Variants in MYO7B observed in about 807,000 individuals in gnomAD.
The protein encoded by MYO7B is unconventional myosin-VIIb.
A neutral mutation model predicts 259.7 loss-of-function variants in MYO7B; 212 were observed. That is an observed-to-expected ratio of 0.82 (90% CI 0.73 to 0.91). The LOEUF (loss-of-function observed/expected upper bound fraction) is 0.91. Among genes scored for constraint, MYO7B ranks in the 40% least tolerant of loss-of-function variants. MYO7B has a pLI of 0.00. For missense variants in MYO7B, 2,732 were observed against 2,813.5 expected, an observed-to-expected ratio of 0.97 and a Z score of 0.66; for synonymous variants, 1,197 against 1,166.4, an observed-to-expected ratio of 1.03 and a Z score of -0.54.
intron 6 of MYO7B, 63 bp downstream of exon 6, chr2:127,569,973 G>C: frequency 6.5e-7 from 1 of 1,539,938 alleles, no homozygotes; most frequent in South Asian, 1.2e-5. Flanking sequence ...CTGCCAGGTA[G>C]GACCATGGGG....
rs1401991906 is a variant in MYO7B, at chr2:127,617,483, CG to C, written c.3399-2853del. ...CCTTATGCTGCCAGCAGACTTGTAA[CG>C]GGGTTTTTTTTTTTTTTTTTTTTTT... is the stretch of plus-strand genomic sequence containing the variant. On this transcript the variant is annotated intron_variant, in intron 26 of 47. Transcript: ENST00000409816. Among the ~76,000 whole-genome samples, 12 of 121,428 alleles carry C rather than the reference CG, an allele frequency of 9.9e-5. No homozygotes were observed. In the South Asian group the frequency reaches 3.2e-3, roughly 33 times the overall value. The allele number at this position is 121,428 out of a possible 152,430, so 79.7% of individuals were successfully genotyped here.
At position 127,584,694 on chromosome 2, in the gene MYO7B, G is replaced by T; in HGVS notation, c.1555-84G>T. 6.6e-7 allele frequency: 1 copy of T among 1,506,836 alleles called. No homozygotes were observed. The highest frequency in any genetic ancestry group is 1.2e-5 in the South Asian group (1 of 81,668). 93.3% of individuals were successfully genotyped at this position (1,506,836 alleles called of 1,614,324 possible). A position where few individuals can be genotyped will look rare whatever the true frequency, so the allele number is the denominator to read the frequency against. On this transcript the variant is annotated intron_variant, in intron 13 of 47. Transcript: ENST00000409816. The surrounding 1 kb of genome is among the most constrained non-coding windows in gnomAD (Gnocchi z 5.8). ...AATCATTCTGAGCCCAGATCTCTTT[G>T]CCTCCATGAGGAAGTCCCTGAGCCT...
intron 3 of MYO7B, among the ~76,000 whole-genome samples, chr2:127,564,647 G>C (rs1490709649): frequency 6.6e-6 from 1 of 152,140 alleles, no homozygotes; most frequent in Non-Finnish European, 1.5e-5. Flanking sequence ...GTCCACCAGA[G>C]GGGTCAGGGC....
intron 38 of MYO7B, 118 bp downstream of exon 38, chr2:127,631,871 G>A (rs1573725429): frequency 7.5e-7 from 1 of 1,334,420 alleles, no homozygotes; most frequent in Non-Finnish European, 1.0e-6. Context: ...CCCTGCCTGG[G>A]CTCCTGCCTC....
At chr2:127,625,655 A>C in intron 31 of MYO7B, 120 bp downstream of exon 31, 1 of 1,152,692 alleles carries the variant, frequency 8.7e-7, no homozygotes, top group Non-Finnish European at 1.2e-6. Context: ...GGGGAACAAC[A>C]AGCCTCAGCT....
chr2:127,635,357 G>A, intron 43 of MYO7B, 131 bp downstream of exon 43: 1 of 866,210 alleles, frequency 1.2e-6, no homozygotes, highest in Non-Finnish European at 1.8e-6. Flanking sequence ...GTGGTAGGCA[G>A]ACCAAGCCCC....
intron 26 of MYO7B, among the ~76,000 whole-genome samples, chr2:127,616,026 G>A (rs1415527042): frequency 6.6e-6 from 1 of 152,216 alleles, no homozygotes; most frequent in African/African-American, 2.4e-5. Context: ...TCCTGAAACA[G>A]AAGCAAAGGC....
rs1693254462 is a variant in MYO7B at position 127,546,948 on chromosome 2, T to C, written c.-24+11117T>C. On this transcript the variant is annotated intron_variant, in intron 1 of 47. Transcript: ENST00000409816. This position sits in a 1 kb window ranked among gnomAD's most constrained non-coding sequence, Gnocchi z 4.2. Reference sequence around the variant, plus strand: ...CCCACTCATTCAACCACTAATCGACTCATCCATCCATCCATCCACCAATCT... The same window carrying C: ...CCCACTCATTCAACCACTAATCGACCCATCCATCCATCCATCCACCAATCT... Among the ~76,000 whole-genome samples the C allele has an allele frequency of 6.6e-6, 1 of 150,632 alleles. No homozygotes were observed. The highest frequency in any genetic ancestry group is 2.1e-4 in the South Asian group (1 of 4,730).
chr2:127,547,630 G>T (rs957154545), intron 1 of MYO7B, among the ~76,000 whole-genome samples: 2 of 152,106 alleles, frequency 1.3e-5, no homozygotes, highest in Non-Finnish European at 2.9e-5. Flanking sequence ...GTCAACTTTT[G>T]CATCTTCTAA....
At chr2:127,553,800 G>A (rs541695551) in intron 1 of MYO7B, among the ~76,000 whole-genome samples, 23 of 152,082 alleles carry the variant, frequency 1.5e-4, no homozygotes, top group Non-Finnish European at 2.9e-4. Context: ...CTATGTTGAA[G>A]AGGAGTGGTG....
Position 127,582,332 on chromosome 2 carries a change from T to C in MYO7B, c.1229T>C (p.Ile410Thr). The C allele has an allele frequency of 1.9e-6, 3 of 1,613,212 alleles. No homozygotes were observed. The highest frequency in any genetic ancestry group is 2.5e-6 in the Non-Finnish European group (3 of 1,179,646). Residue 410 changes from isoleucine (I) to threonine (T), a missense_variant, in exon 12 of 48, where the codon ATT becomes ACT. Around this residue, in one of 3 missense-constraint regions of MYO7B, gnomAD observed 1,906 missense variants for 2,026.4 expected, o/e 0.94. Transcript: ENST00000409816. ...KGIYGHLFLW[I>T]VKKINAAIFT... Reference sequence around the variant, plus strand: ...ATCTATGGGCACCTCTTCCTGTGGATTGTCAAGAAGATCAATGCCGCCATC... The same window carrying C: ...ATCTATGGGCACCTCTTCCTGTGGACTGTCAAGAAGATCAATGCCGCCATC...
chr2:127,594,520 T>C (rs1187301521), intron 18 of MYO7B, among the ~76,000 whole-genome samples: 1 of 152,166 alleles, frequency 6.6e-6, no homozygotes, highest in African/African-American at 2.4e-5. Context: ...TCTCAGAGGC[T>C]AAGATGCGCG....
intron 1 of MYO7B, among the ~76,000 whole-genome samples, chr2:127,549,186 C>T (rs73953640): frequency 1.9e-3 from 185 of 99,410 alleles, no homozygotes; most frequent in African/African-American, 0.014. Flanking sequence ...CTTTCTTTCT[C>T]TCTTTCTTTC....
intron 9 of MYO7B, among the ~76,000 whole-genome samples, chr2:127,579,919 A>G (rs1265143670): frequency 1.3e-5 from 2 of 152,202 alleles, no homozygotes; most frequent in Admixed American, 1.3e-4. Flanking sequence ...GGCACATTAA[A>G]TGCTGTTTAG....
chr2:127,593,702 C>T, intron 18 of MYO7B, 58 bp downstream of exon 18: 1 of 1,504,248 alleles, frequency 6.6e-7, no homozygotes, highest in Non-Finnish European at 9.2e-7. Context: ...GGCTTGTCAG[C>T]TCTTGCACCA....
At chr2:127,596,579 C>T (rs755410392) in intron 19 of MYO7B, 23 bp downstream of exon 19, 1 of 1,583,274 alleles carries the variant, frequency 6.3e-7, no homozygotes, top group Non-Finnish European at 8.6e-7. Context: ...CCCCAAGGCC[C>T]ACCCAGCCTA....
rs996559065 is a variant in MYO7B at position 127,597,071 on chromosome 2, C to G, written c.2339+515C>G. Among the ~76,000 whole-genome samples the G allele has an allele frequency of 6.6e-6, 1 of 152,188 alleles. No homozygotes were observed. On this transcript the variant is annotated intron_variant, in intron 19 of 47. Transcript: ENST00000409816. The surrounding 1 kb of genome is among the most constrained non-coding windows in gnomAD (Gnocchi z 4.8). Reference sequence around the variant, plus strand: ...TGAGAAAGTAGAAGACAGCCAGCCCCGGGAATAGAGAATGAGGGGACAGAG... The same window carrying G: ...TGAGAAAGTAGAAGACAGCCAGCCCGGGGAATAGAGAATGAGGGGACAGAG...
intron 1 of MYO7B, among the ~76,000 whole-genome samples, chr2:127,549,496 A>G (rs1487952119): frequency 6.6e-6 from 1 of 152,158 alleles, no homozygotes; most frequent in African/African-American, 2.4e-5. Context: ...TGGGAGCCTC[A>G]AGTTTTTAAA....
rs184678631 is a variant in MYO7B at position 127,549,213 on chromosome 2, T to A, written c.-23-10487T>A. On this transcript the variant is annotated intron_variant, in intron 1 of 47. Transcript: ENST00000409816. The stretch of plus-strand genomic sequence containing the variant: ...CTTTCTTTCTTATACAAAACACTGA[T>A]GTATCTAGCTCTATTTTGATTAGTA... 1.2e-3 allele frequency among the ~76,000 whole-genome samples: 183 copies of A among 152,230 alleles called. 2 individuals are homozygous for A. The East Asian group carries it at 0.03, about 25-fold the overall frequency.
Sources: allele counts gnomAD v4.1 joint callset (sites outside exome capture counted in the v4.1 genomes callset), GRCh38; gene constraint gnomAD v4.1.1; regional missense constraint gnomAD v4.1.1; non-coding constraint Gnocchi (gnomAD v3.1); transcripts MANE v1.5; gene names NCBI Gene and HGNC (gene_info 2026-07-23, HGNC 2026-07-21).